The following KCNG3 variants were observed in gnomAD, a reference collection of about 807,000 sequenced individuals.
The protein encoded by KCNG3 is potassium voltage-gated channel modifier subfamily G member 3.
Under a neutral mutation model 29.0 loss-of-function variants are expected in KCNG3, and 15 were observed. That is an observed-to-expected ratio of 0.52 (90% CI 0.35 to 0.80). The LOEUF is 0.80. Ranked by LOEUF, KCNG3 falls within the 30% of genes least tolerant of loss-of-function variation. KCNG3 has a pLI of 0.01. For missense variants in KCNG3, 512 were observed against 605.7 expected (o/e 0.85, Z 1.62); for synonymous variants, 322 against 248.9 (o/e 1.29, Z -2.76).
At chr2:42,413,465 A>G in the KCNG3 span, among the ~76,000 whole-genome samples, 1 of 152,156 alleles carries the variant, frequency 6.6e-6, no homozygotes, top group Non-Finnish European at 1.5e-5. Context: ...CTTGCATTCT[A>G]CCAGACTGAT....
intron 1 of KCNG3, among the ~76,000 whole-genome samples, chr2:42,492,304 T>G (rs748701171): frequency 5.9e-5 from 9 of 152,034 alleles, no homozygotes; most frequent in Non-Finnish European, 1.0e-4. Context: ...TTATTTAGAG[T>G]CTATCGATAA....
the KCNG3 span, among the ~76,000 whole-genome samples, chr2:42,398,409 G>A: frequency 6.6e-6 from 1 of 151,966 alleles, no homozygotes; most frequent in Non-Finnish European, 1.5e-5. Context: ...CTGGCCAGAG[G>A]TAAGATGACA....
chr2:42,471,501 C>A (rs545790310), intron 1 of KCNG3, among the ~76,000 whole-genome samples: 61 of 152,098 alleles, frequency 4.0e-4, no homozygotes, highest in Middle Eastern at 3.4e-3. Flanking sequence ...GGAGGGGGAA[C>A]AGGGTGTGAC....
At chr2:42,474,839 G>A (rs1312888982) in intron 1 of KCNG3, among the ~76,000 whole-genome samples, 1 of 152,112 alleles carries the variant, frequency 6.6e-6, no homozygotes, top group Non-Finnish European at 1.5e-5. Context: ...ACATAAAGGG[G>A]AATTCTTTTG....
chr2:42,435,413 G>C, the KCNG3 span, among the ~76,000 whole-genome samples: 488 of 152,224 alleles, frequency 3.2e-3, 2 homozygotes, highest in Non-Finnish European at 5.0e-3. Flanking sequence ...AGAAAAAACA[G>C]ATAAATTGGG....
chr2:42,459,703 G>A (rs993048589), intron 1 of KCNG3, among the ~76,000 whole-genome samples: 3 of 152,348 alleles, frequency 2.0e-5, no homozygotes, highest in South Asian at 2.1e-4. Context: ...TCGGCCGGGC[G>A]TGGTGGCTCA....
intron 1 of KCNG3, among the ~76,000 whole-genome samples, chr2:42,472,905 T>A (rs199796943): frequency 0.077 from 4,599 of 59,464 alleles, 198 homozygotes; most frequent in African/African-American, 0.2. Flanking sequence ...ATATATATAT[T>A]TTTTTTTTTT....
the KCNG3 span, among the ~76,000 whole-genome samples, chr2:42,406,689 T>C: frequency 2.0e-5 from 3 of 151,378 alleles, no homozygotes; most frequent in African/African-American, 7.3e-5. Context: ...AAGCCAGGTA[T>C]GGTGGCACAT....
the KCNG3 span, among the ~76,000 whole-genome samples, chr2:42,400,495 T>A: frequency 6.6e-6 from 1 of 151,914 alleles, no homozygotes; most frequent in Non-Finnish European, 1.5e-5. Context: ...GTTGGAGGAG[T>A]TGAGAGAACC....
chr2:42,422,322 C>CCT, the KCNG3 span, among the ~76,000 whole-genome samples: 1 of 151,720 alleles, frequency 6.6e-6, no homozygotes, highest in African/African-American at 2.4e-5. Context: ...GCTTCTCTTC[C>CCT]CTCTCTCTCT....
chr2:42,396,567 T>G, the KCNG3 span, among the ~76,000 whole-genome samples: 9 of 152,320 alleles, frequency 5.9e-5, no homozygotes, highest in South Asian at 2.1e-4. Flanking sequence ...TGGTGGCTCC[T>G]GCAGTCATTT....
At chr2:42,454,266 T>A (rs180716085) in intron 1 of KCNG3, among the ~76,000 whole-genome samples, 53 of 152,202 alleles carry the variant, frequency 3.5e-4, no homozygotes, top group Middle Eastern at 3.4e-3. Flanking sequence ...TCCAAAAAAA[T>A]TGAAAGCAGG....
chr2:42,445,643 T>G (rs1672579301), intron 1 of KCNG3, among the ~76,000 whole-genome samples: 1 of 152,212 alleles, frequency 6.6e-6, no homozygotes, highest in Non-Finnish European at 1.5e-5. Flanking sequence ...ACATTTTACC[T>G]AGAGCAATAT....
chr2:42,493,138 C>T lies in KCNG3; in HGVS notation c.364G>A (p.Asp122Asn). The change falls in exon 1 of 2, where the codon GAC becomes AAC. Residue 122 changes from aspartate (D) to asparagine (N), a missense_variant. Coordinates refer to ENST00000306078, the MANE Select transcript of KCNG3 (RefSeq NM_133329.6). Reference sequence around the variant, plus strand: ...TCGGCCGAGTAGAAGGTGTAGGTGTCGGACATGCGGTCGTCGAGGCGGCGC... The same window carrying T: ...TCGGCCGAGTAGAAGGTGTAGGTGTTGGACATGCGGTCGTCGAGGCGGCGC... ...CQRRLDDRMS[D>N]TYTFYSADEP... 6.2e-7 allele frequency: 1 copy of T among 1,604,978 alleles called. No homozygotes were observed. Among genetic ancestry groups the T allele is most frequent in the Non-Finnish European group, 8.5e-7 (1 of 1,179,004 alleles).
chr2:42,479,176 G>A (rs1673518141), intron 1 of KCNG3, among the ~76,000 whole-genome samples: 1 of 152,006 alleles, frequency 6.6e-6, no homozygotes, highest in Non-Finnish European at 1.5e-5. Flanking sequence ...TGCCTCCCCA[G>A]CCACCAGATT....
chr2:42,397,241 T>C, the KCNG3 span, among the ~76,000 whole-genome samples: 2 of 143,180 alleles, frequency 1.4e-5, no homozygotes, highest in Admixed American at 7.1e-5. Flanking sequence ...CAAAACTCCA[T>C]CTCAAAAAAA....
chr2:42,472,812 C>T (rs998579591), intron 1 of KCNG3, among the ~76,000 whole-genome samples: 9 of 144,236 alleles, frequency 6.2e-5, no homozygotes, highest in Non-Finnish European at 1.2e-4. Context: ...ATACATATAT[C>T]GATATATCTA....
rs553644351 is a variant in KCNG3 at position 42,467,889 on chromosome 2, G to C, written c.666-23310C>G. Reference sequence around the variant, plus strand: ...GGGAGCTGAGGTGGGAGGATCACCCGAGCCTGGAGAGATTGAGGCTGCAGT... The same window carrying C: ...GGGAGCTGAGGTGGGAGGATCACCCCAGCCTGGAGAGATTGAGGCTGCAGT... On this transcript the variant is annotated intron_variant, in intron 1 of 1. Transcript: ENST00000306078. Among the ~76,000 whole-genome samples the C allele has an allele frequency of 2.0e-5, 3 of 149,908 alleles. No homozygotes were observed. The South Asian group carries it at 6.3e-4, about 32-fold the overall frequency.
chr2:42,401,406 A>G, the KCNG3 span, among the ~76,000 whole-genome samples: 4 of 150,458 alleles, frequency 2.7e-5, no homozygotes, highest in Non-Finnish European at 4.4e-5. Context: ...TAATAGATGA[A>G]TTATATAGAG....
Sources: gnomAD v4.1 joint callset for allele counts (sites outside exome capture counted in the v4.1 genomes callset) on GRCh38, gnomAD v4.1.1 for gene constraint, MANE v1.5 for transcripts, NCBI Gene and HGNC (gene_info 2026-07-23, HGNC 2026-07-21) for gene names.